RTRAF: variants seen among roughly 807,000 people sequenced by gnomAD.
The protein encoded by RTRAF is tRNA-splicing ligase complex subunit RTRAF.
In RTRAF, 14 loss-of-function variants were observed where a neutral mutation model predicts 34.4. That is an observed-to-expected ratio of 0.41 (90% CI 0.27 to 0.64). The LOEUF (loss-of-function observed/expected upper bound fraction) is 0.64, where lower values mean the gene tolerates loss of function less well. RTRAF is among the 30% of genes least tolerant of loss of function. The pLI is 0.34. For missense variants in RTRAF, 291 were observed against 288.4 expected (o/e 1.01, Z -0.06); for synonymous variants, 96 against 95.3 (o/e 1.01, Z -0.04).
At chr14:51,995,321 A>T (rs1890501743) in intron 3 of RTRAF, among the ~76,000 whole-genome samples, 1 of 151,858 alleles carries the variant, frequency 6.6e-6, no homozygotes, top group Admixed American at 6.6e-5. Flanking sequence ...TTTAACTTCT[A>T]GAGGCTGCCT....
intron 2 of RTRAF, among the ~76,000 whole-genome samples, chr14:51,992,039 C>T (rs1041129284): frequency 6.6e-6 from 1 of 152,158 alleles, no homozygotes; most frequent in Non-Finnish European, 1.5e-5. Context: ...GCTTGAAAAC[C>T]AAGACTGTCG....
chr14:51,991,220 A>G (rs1261495155), intron 1 of RTRAF, 97 bp from the exon 2 acceptor site: 2 of 1,293,640 alleles, frequency 1.5e-6, no homozygotes, highest in Non-Finnish European at 2.2e-6. Flanking sequence ...TTTTGAAGTT[A>G]AGAAAATTCC....
rs1890789494 is a variant in RTRAF, at chr14:52,006,519, A to T, written c.*2003A>T. On this transcript the variant is annotated 3_prime_UTR_variant, in exon 8 of 8. Coordinates refer to ENST00000261700, the MANE Select transcript of RTRAF (RefSeq NM_016039.3). ...ACAGTTGGCCTTTTCAGGCTTGTCC[A>T]GAATTTGTGGGGCTCACCTCCTCCA... 4 of 1,613,038 alleles carry T rather than the reference A, an allele frequency of 2.5e-6. No homozygotes were observed. The highest frequency in any genetic ancestry group is 2.5e-6 in the Non-Finnish European group (3 of 1,179,314).
chr14:51,989,715 T>G lies in RTRAF; in HGVS notation c.61+15T>G, dbSNP rs1807678040. ...CAACTGCAAAGGTGAGGCGGCGGCC[T>G]CAGCCCGGCCGCGTGTCCCTGACCT... On this transcript the variant is annotated intron_variant, in intron 1 of 7. Coordinates refer to ENST00000261700, the MANE Select transcript of RTRAF (RefSeq NM_016039.3). 1 of 1,592,904 alleles carries G rather than the reference T, an allele frequency of 6.3e-7. No homozygotes were observed. Among genetic ancestry groups the G allele is most frequent in the Admixed American group, 1.7e-5 (1 of 57,850 alleles).
intron 2 of RTRAF, among the ~76,000 whole-genome samples, chr14:51,992,576 C>T (rs1890449813): frequency 6.6e-6 from 1 of 152,144 alleles, no homozygotes; most frequent in African/African-American, 2.4e-5. Flanking sequence ...GTATTCTTTT[C>T]CTTTGCTCTT....
At chr14:51,996,620 A>G (rs1335361802) in intron 3 of RTRAF, among the ~76,000 whole-genome samples, 3 of 152,064 alleles carry the variant, frequency 2.0e-5, no homozygotes, top group African/African-American at 4.8e-5. Context: ...ACAGAGGCAC[A>G]CACCATTTTT....
At chr14:52,002,007 T>A (rs745629594) in intron 6 of RTRAF, 141 bp downstream of exon 6, 48 of 721,730 alleles carry the variant, frequency 6.7e-5, no homozygotes, top group Middle Eastern at 3.9e-4. Context: ...CTTCAGTGCT[T>A]CCTAAAGCAA....
In RTRAF at chr14:51,991,304, T is replaced by A. The variant is rs1457073517; in HGVS notation, c.62-13T>A. On this transcript the variant is annotated splice_polypyrimidine_tract_variant and intron_variant, in intron 1 of 7. Transcript: ENST00000261700. ...AGTGCTTCTAGTTATTTATGTGATA[T>A]TTTTTATTGCAGATGAAACAGAATT... 7 of 1,610,618 alleles carry A rather than the reference T, an allele frequency of 4.3e-6. No homozygotes were observed. The South Asian group carries it at 7.7e-5, about 18-fold the overall frequency.
In RTRAF at chr14:52,010,619, A is replaced by G. The variant is rs1890976165; in HGVS notation, c.*6103A>G. On this transcript the variant is annotated 3_prime_UTR_variant, in exon 8 of 8. Transcript: ENST00000261700. ...TCTCACAACACTATCTGAATTTTCTACATATCACATCACAGACTAATATTG... is the reference window on the plus strand; with the variant it reads ...TCTCACAACACTATCTGAATTTTCTGCATATCACATCACAGACTAATATTG... The G allele has an allele frequency of 8.6e-6, 3 of 350,360 alleles. No individual in the cohort carries two copies. The highest frequency in any genetic ancestry group is 4.8e-5 in the East Asian group (1 of 20,876). 21.7% of individuals were successfully genotyped at this position (350,360 alleles called of 1,614,324 possible).
intron 5 of RTRAF, among the ~76,000 whole-genome samples, chr14:52,000,116 A>T (rs1890578046): frequency 6.6e-6 from 1 of 152,120 alleles, no homozygotes; most frequent in Non-Finnish European, 1.5e-5. Context: ...GACACAGAAA[A>T]TGACAGAGCC....
In RTRAF at chr14:51,998,628, TAAA is replaced by T. The variant is rs750904253; in HGVS notation, c.373+49_373+51del. On this transcript the variant is annotated intron_variant, in intron 4 of 7. Transcript: ENST00000261700. ...TTGAACATCAACATTTTTGGTTTTT[TAAA>T]TGTTTTTTTCTTTGAAGAATGAAGT... The T allele has an allele frequency of 3.1e-6, 4 of 1,287,464 alleles. No homozygotes were observed. In the South Asian group the frequency reaches 5.5e-5, roughly 18 times the overall value. 79.8% of individuals were successfully genotyped at this position (1,287,464 alleles called of 1,614,324 possible).
chr14:52,000,496 A>G (rs935187437), intron 5 of RTRAF, among the ~76,000 whole-genome samples: 1 of 152,146 alleles, frequency 6.6e-6, no homozygotes, highest in African/African-American at 2.4e-5. Flanking sequence ...GAAATTTTAT[A>G]AGAGATTAAA....
intron 7 of RTRAF, 52 bp downstream of exon 7, chr14:52,004,294 G>A (rs1279888566): frequency 1.3e-6 from 2 of 1,577,456 alleles, no homozygotes; most frequent in Admixed American, 1.8e-5. Context: ...CTGAATACTT[G>A]GGAGGAAATA....
At position 52,008,190 on chromosome 14, in the gene RTRAF, GC is replaced by G; in HGVS notation, c.*3676del. 2.3e-6 allele frequency: 1 copy of G among 432,604 alleles called. No homozygotes were observed. The highest frequency in any genetic ancestry group is 3.8e-5 in the South Asian group (1 of 25,998). The allele number at this position is 432,604 out of a possible 1,614,324, so 26.8% of individuals were successfully genotyped here. On this transcript the variant is annotated 3_prime_UTR_variant, in exon 8 of 8. Coordinates refer to ENST00000261700, the MANE Select transcript of RTRAF (RefSeq NM_016039.3). The stretch of plus-strand genomic sequence containing the variant: ...ATTCGGTCTCAAAAAACTGGTTTCT[GC>G]CTTAGGGGCTCTCTCTTGCTCCCTT...
chr14:52,005,891 A>C lies in RTRAF; in HGVS notation c.*1375A>C. 7.0e-7 allele frequency: 1 copy of C among 1,431,144 alleles called. No individual in the cohort carries two copies. Among genetic ancestry groups the C allele is most frequent in the South Asian group, 1.1e-5 (1 of 87,070 alleles). The allele number at this position is 1,431,144 out of a possible 1,614,324, so 88.7% of individuals were successfully genotyped here. ...AGAGTGAATTCAGGGACAGTCATTTACTAGATAAAGAAGTCAGTCAGCCAC... is the reference window on the plus strand; with the variant it reads ...AGAGTGAATTCAGGGACAGTCATTTCCTAGATAAAGAAGTCAGTCAGCCAC... On this transcript the variant is annotated 3_prime_UTR_variant, in exon 8 of 8. Coordinates refer to ENST00000261700, the MANE Select transcript of RTRAF (RefSeq NM_016039.3).
chr14:52,001,884 C>A lies in RTRAF; in HGVS notation c.531+18C>A. The A allele has an allele frequency of 6.3e-7, 1 of 1,594,064 alleles. No individual in the cohort carries two copies. Among genetic ancestry groups the A allele is most frequent in the Non-Finnish European group, 8.6e-7 (1 of 1,168,652 alleles). On this transcript the variant is annotated intron_variant, in intron 6 of 7. Transcript: ENST00000261700. ...CAAAAGAGGTACGTTTCTATAAATC[C>A]TAAATAAGTTGTTAATGAACATTTC...
At chr14:52,002,165 C>T (rs1890611252) in intron 6 of RTRAF, among the ~76,000 whole-genome samples, 1 of 152,148 alleles carries the variant, frequency 6.6e-6, no homozygotes, top group Admixed American at 6.5e-5. Context: ...AAATGAGTTA[C>T]CCATATGAAA....
intron 6 of RTRAF, 136 bp downstream of exon 6, chr14:52,002,002 G>A: frequency 1.3e-6 from 1 of 767,322 alleles, no homozygotes. Context: ...GCTTACTTCA[G>A]TGCTTCCTAA....
At chr14:51,990,398 C>T (rs1200836874) in intron 1 of RTRAF, among the ~76,000 whole-genome samples, 3 of 152,142 alleles carry the variant, frequency 2.0e-5, no homozygotes, top group Non-Finnish European at 4.4e-5. Context: ...TACTCGTTTC[C>T]TTTGTATAGT....
Sources: gnomAD v4.1 joint callset for allele counts (sites outside exome capture counted in the v4.1 genomes callset) on GRCh38, gnomAD v4.1.1 for gene constraint, MANE v1.5 for transcripts, NCBI Gene and HGNC (gene_info 2026-07-23, HGNC 2026-07-21) for gene names.